ASXL3: variants seen among roughly 807,000 people sequenced by gnomAD.
ASXL3 encodes the protein putative Polycomb group protein ASXL3.
A neutral mutation model predicts 170.6 loss-of-function variants in ASXL3; 34 were observed. That is an observed-to-expected ratio of 0.20 (90% CI 0.15 to 0.27). The LOEUF (loss-of-function observed/expected upper bound fraction) is 0.27. ASXL3 is among the 10% of genes least tolerant of loss of function. The pLI is 1.00. For synonymous variants in ASXL3, 1,002 were observed against 989.1 expected, an observed-to-expected ratio of 1.01 and a Z score of -0.24; for missense variants, 2,592 against 2,695.3, an observed-to-expected ratio of 0.96 and a Z score of 0.85.
intron 5 of ASXL3, among the ~76,000 whole-genome samples, chr18:33,666,680 G>A (rs2066260431): frequency 6.6e-6 from 1 of 152,130 alleles, no homozygotes; most frequent in Admixed American, 6.6e-5. Flanking sequence ...CAAAGCTGCA[G>A]ACAGTATGAT....
intron 6 of ASXL3, among the ~76,000 whole-genome samples, chr18:33,671,249 C>G (rs1363781494): frequency 6.6e-6 from 1 of 152,134 alleles, no homozygotes; most frequent in Non-Finnish European, 1.5e-5. Flanking sequence ...CAGTGCAGCC[C>G]TGACCTTGTC....
rs184951237 is a variant in ASXL3 at position 33,641,115 on chromosome 18, A to G, written c.138-3779A>G. ...ATTGCATTCCCCAGGTATTCTGTCT[A>G]GTTTTTAAAATTATTTAATAGATAG... On this transcript the variant is annotated intron_variant, in intron 2 of 11. Transcript: ENST00000269197. Among the ~76,000 whole-genome samples, 465 of 152,148 alleles carry G rather than the reference A, an allele frequency of 3.1e-3. 3 individuals carry two copies. Among genetic ancestry groups the G allele is most frequent in the African/African-American group, 0.011 (447 of 41,528 alleles).
chr18:33,667,117 C>T (rs1007092787), intron 5 of ASXL3, among the ~76,000 whole-genome samples: 1 of 152,114 alleles, frequency 6.6e-6, no homozygotes, highest in African/African-American at 2.4e-5. Flanking sequence ...CCAGCAAAAG[C>T]CTCTTATGTA....
At chr18:33,710,814 T>C (rs993774316) in intron 8 of ASXL3, among the ~76,000 whole-genome samples, 1 of 152,184 alleles carries the variant, frequency 6.6e-6, no homozygotes, top group Non-Finnish European at 1.5e-5. Flanking sequence ...ATATATGCAC[T>C]TTCATTTCAC....
chr18:33,632,102 A>G (rs2065686776), intron 2 of ASXL3, among the ~76,000 whole-genome samples: 1 of 152,110 alleles, frequency 6.6e-6, no homozygotes, highest in South Asian at 2.1e-4. Context: ...ATTTAAAGAA[A>G]TGGTTCCTTC....
intron 2 of ASXL3, among the ~76,000 whole-genome samples, chr18:33,623,498 A>G (rs1168746436): frequency 6.6e-6 from 1 of 152,192 alleles, no homozygotes; most frequent in East Asian, 1.9e-4. Context: ...TCTTGCATCA[A>G]ACTATTATAA....
chr18:33,672,902 C>A (rs909345841), intron 7 of ASXL3, among the ~76,000 whole-genome samples: 1 of 151,844 alleles, frequency 6.6e-6, no homozygotes, highest in Non-Finnish European at 1.5e-5. Context: ...AAATAAGAGA[C>A]CTTTAGGAAA....
At position 33,749,815 on chromosome 18, in the gene ASXL3, A is replaced by T. The variant is rs2067855840; in HGVS notation, c.*3220A>T. 6.6e-6 allele frequency: 1 copy of T among 152,196 alleles called. No individual in the cohort carries two copies. Among genetic ancestry groups the T allele is most frequent in the Non-Finnish European group, 1.5e-5 (1 of 68,034 alleles). 9.4% of individuals were successfully genotyped at this position (152,196 alleles called of 1,614,324 possible). A position where few individuals can be genotyped will look rare whatever the true frequency, so the allele number is the denominator to read the frequency against. On this transcript the variant is annotated 3_prime_UTR_variant, in exon 12 of 12. Coordinates refer to ENST00000269197, the MANE Select transcript of ASXL3 (RefSeq NM_030632.3). ...GGTATGTGTTTCTGGGATGAGCTATATAGAAAGTTTAGTTGACTGCTGGAC... is the reference window on the plus strand; with the variant it reads ...GGTATGTGTTTCTGGGATGAGCTATTTAGAAAGTTTAGTTGACTGCTGGAC...
intron 4 of ASXL3, among the ~76,000 whole-genome samples, chr18:33,658,717 A>G (rs1311009026): frequency 2.6e-5 from 4 of 152,150 alleles, no homozygotes; most frequent in Non-Finnish European, 5.9e-5. Flanking sequence ...AGAGAAATAA[A>G]GTAAGGAACA....
At chr18:33,681,568 TAATC>T (rs1168120030) in intron 7 of ASXL3, among the ~76,000 whole-genome samples, 9 of 152,086 alleles carry the variant, frequency 5.9e-5, no homozygotes, top group Non-Finnish European at 8.8e-5. Context: ...TTCTTGGAGA[TAATC>T]AATTTTTTGT....
intron 8 of ASXL3, among the ~76,000 whole-genome samples, chr18:33,711,353 C>G (rs1173700812): frequency 6.6e-6 from 1 of 152,040 alleles, no homozygotes; most frequent in Non-Finnish European, 1.5e-5. Context: ...GTGCAATATG[C>G]CTTAAAGTTG....
At chr18:33,673,156 C>T (rs2066372328) in intron 7 of ASXL3, among the ~76,000 whole-genome samples, 2 of 152,048 alleles carry the variant, frequency 1.3e-5, no homozygotes, top group Admixed American at 1.3e-4. Flanking sequence ...TACTAAAAAT[C>T]CAAAACAGTA....
rs79703827 is a variant in ASXL3 at position 33,651,052 on chromosome 18, C to G, written c.355+4699C>G. Among the ~76,000 whole-genome samples the G allele has an allele frequency of 5.5e-3, 832 of 152,152 alleles. 5 individuals are homozygous for G. Among genetic ancestry groups the G allele is most frequent in the Non-Finnish European group, 8.6e-3 (586 of 67,946 alleles). On this transcript the variant is annotated intron_variant, in intron 4 of 11. Coordinates refer to ENST00000269197, the MANE Select transcript of ASXL3 (RefSeq NM_030632.3). ...CAGGTGTGACACCAAAGGCCAGACT[C>G]TCATTACTCTGATACCTTGCCTGGA...
intron 8 of ASXL3, among the ~76,000 whole-genome samples, chr18:33,706,870 G>A (rs191292704): frequency 2.8e-4 from 42 of 151,704 alleles, no homozygotes; most frequent in East Asian, 1.4e-3. Context: ...TTGTCTATTC[G>A]CATCATGTAA....
At position 33,749,276 on chromosome 18, in the gene ASXL3, T is replaced by A. The variant is rs2067847429; in HGVS notation, c.*2681T>A. 6.6e-6 allele frequency: 1 copy of A among 152,184 alleles called. No homozygotes were observed. The highest frequency in any genetic ancestry group is 2.4e-5 in the African/African-American group (1 of 41,424). 9.4% of individuals were successfully genotyped at this position (152,184 alleles called of 1,614,324 possible). On this transcript the variant is annotated 3_prime_UTR_variant, in exon 12 of 12. Coordinates refer to ENST00000269197, the MANE Select transcript of ASXL3 (RefSeq NM_030632.3). ...AATCCAGTATATTCTGAGTAGGTTC[T>A]TAGTTTTCTGATTTCTACATGTGTC...
intron 4 of ASXL3, among the ~76,000 whole-genome samples, chr18:33,660,638 C>T (rs1462908080): frequency 6.6e-6 from 1 of 152,130 alleles, no homozygotes; most frequent in Non-Finnish European, 1.5e-5. Context: ...CTTCCTCTTG[C>T]CTCCTGCCTT....
Position 33,740,037 on chromosome 18 carries a change from C to A in ASXL3, c.2633C>A (p.Pro878His), listed in dbSNP as rs2067630329. ...VLQRTEKKVL[P>H]SPLELSVFSE... ...CAAAGAACAGAAAAAAAAGTGTTACCTTCACCATTGGAATTATCTGTCTTT... is the reference window on the plus strand; with the variant it reads ...CAAAGAACAGAAAAAAAAGTGTTACATTCACCATTGGAATTATCTGTCTTT... Residue 878 changes from proline (P) to histidine (H), a missense_variant, in exon 11 of 12, where the codon CCT (proline) becomes CAT (histidine). Physicochemically the swap from Pro to His is moderately conservative, Grantham distance 77. Coordinates refer to ENST00000269197, the MANE Select transcript of ASXL3 (RefSeq NM_030632.3). 6.2e-7 allele frequency: 1 copy of A among 1,613,698 alleles called. No homozygotes were observed. Among genetic ancestry groups the A allele is most frequent in the East Asian group, 2.2e-5 (1 of 44,894 alleles).
chr18:33,716,556 TAGG>T (rs1447332991), intron 8 of ASXL3, among the ~76,000 whole-genome samples: 3 of 152,112 alleles, frequency 2.0e-5, no homozygotes, highest in Non-Finnish European at 2.9e-5. Context: ...ACTAATGAAA[TAGG>T]AGAGTTGTAT....
In ASXL3 at chr18:33,739,289, G is replaced by A. The variant is rs1398912287; in HGVS notation, c.1885G>A (p.Gly629Arg). The A allele has an allele frequency of 6.2e-6, 10 of 1,613,606 alleles. No individual in the cohort carries two copies. The highest frequency in any genetic ancestry group is 1.3e-5 in the African/African-American group (1 of 75,034). ...AGCCTGTACCAGCCTGCCTTCTCCA[G>A]GAGGGGAAACACAGTCCACATCAGA... ...EGACTSLPSP[G>R]GETQSTSEES... The change falls in exon 11 of 12, where the codon GGA (glycine) becomes AGA (arginine). Residue 629 changes from glycine to arginine, a missense_variant. Gly to Arg is a moderately radical substitution (Grantham distance 125). This residue lies in a region of ASXL3 where 2,246 missense variants were observed against 2,219.6 expected (regional missense o/e 1.01). Transcript: ENST00000269197.
Sources: gnomAD v4.1 joint callset for allele counts (sites outside exome capture counted in the v4.1 genomes callset) on GRCh38, gnomAD v4.1.1 for gene constraint, gnomAD v4.1.1 regional missense constraint, MANE v1.5 for transcripts, NCBI Gene and HGNC (gene_info 2026-07-23, HGNC 2026-07-21) for gene names.